The following DNAH7 variants were observed in gnomAD, a reference collection of about 807,000 sequenced individuals.
The protein encoded by DNAH7 is dynein axonemal heavy chain 7.
DNAH7 carries 397 observed loss-of-function variants against 444.6 expected under a neutral mutation model. That is an observed-to-expected ratio of 0.89 (90% CI 0.82 to 0.97). DNAH7 has a LOEUF of 0.97. Among genes scored for constraint, DNAH7 ranks in the 50% least tolerant of loss-of-function variants. The pLI, the probability that DNAH7 is intolerant of heterozygous loss-of-function variation, is 0.00. For synonymous variants in DNAH7, 1,636 were observed against 1,624.4 expected, an observed-to-expected ratio of 1.01 and a Z score of -0.17; for missense variants, 4,902 against 4,800.8, an observed-to-expected ratio of 1.02 and a Z score of -0.62.
chr2:195,739,202 A>C (rs1324891428), intron 64 of DNAH7, among the ~76,000 whole-genome samples: 1 of 152,238 alleles, frequency 6.6e-6, no homozygotes, highest in Non-Finnish European at 1.5e-5. Context: ...TCAGCTCCTG[A>C]AATTGCATTT....
Position 195,966,772 on chromosome 2 carries a change from T to C in DNAH7, c.2205+3176A>G, listed in dbSNP as rs1054740519. Among the ~76,000 whole-genome samples, 5 of 152,166 alleles carry C rather than the reference T, an allele frequency of 3.3e-5. 1 individual carries two copies. The highest frequency in any genetic ancestry group is 1.2e-4 in the African/African-American group (5 of 41,446). On this transcript the variant is annotated intron_variant, in intron 17 of 64. Transcript: ENST00000312428. ...ATACAAGCATTGTTACTCCTGGTAA[T>C]TTTTTGTTCCCATTGGCATGGAATA... is the stretch of plus-strand genomic sequence containing the variant.
chr2:195,880,330 C>CTTTTTTTT (rs1042876508), intron 36 of DNAH7, among the ~76,000 whole-genome samples: 6 of 136,682 alleles, frequency 4.4e-5, no homozygotes, highest in African/African-American at 1.1e-4. Context: ...CTTTCTTTTT[C>CTTTTTTTT]TTTTTTTTTT....
chr2:195,791,659 A>G (rs1480231519), intron 57 of DNAH7, among the ~76,000 whole-genome samples: 1 of 152,222 alleles, frequency 6.6e-6, no homozygotes, highest in African/African-American at 2.4e-5. Context: ...ACCTTAGTGT[A>G]CATCAATGAT....
At chr2:195,841,385 G>A (rs1698675429) in intron 47 of DNAH7, among the ~76,000 whole-genome samples, 1 of 151,690 alleles carries the variant, frequency 6.6e-6, no homozygotes, top group Admixed American at 6.6e-5. Flanking sequence ...CAGTCTTAAT[G>A]TAACATCTTT....
intron 31 of DNAH7, 66 bp from the exon 32 acceptor site, chr2:195,889,047 T>C (rs1701865730): frequency 2.1e-6 from 3 of 1,425,212 alleles, no homozygotes; most frequent in African/African-American, 1.5e-5. Flanking sequence ...AACAGTTCAA[T>C]AATATTATTT....
chr2:196,009,735 G>C (rs1249357432), intron 10 of DNAH7, among the ~76,000 whole-genome samples: 1 of 151,996 alleles, frequency 6.6e-6, no homozygotes, highest in Non-Finnish European at 1.5e-5. Context: ...CCTACAGAAT[G>C]GGAAAAAATG....
At chr2:195,757,079 C>T (rs1264274012) in intron 61 of DNAH7, among the ~76,000 whole-genome samples, 1 of 152,038 alleles carries the variant, frequency 6.6e-6, no homozygotes, top group Non-Finnish European at 1.5e-5. Context: ...CCTCCTGTCT[C>T]GACCTCCCGA....
chr2:195,859,592 G>T (rs1025443179), intron 42 of DNAH7, among the ~76,000 whole-genome samples: 6 of 152,062 alleles, frequency 3.9e-5, no homozygotes, highest in African/African-American at 1.4e-4. Context: ...ACAGACTGGA[G>T]TAGTAAGGAA....
chr2:195,882,993 G>C (rs1224665932), intron 35 of DNAH7, among the ~76,000 whole-genome samples: 2 of 152,176 alleles, frequency 1.3e-5, no homozygotes, highest in African/African-American at 4.8e-5. Flanking sequence ...GCGTACAGCA[G>C]AGAATTTTTT....
At chr2:195,802,798 G>A (rs556682068) in intron 54 of DNAH7, among the ~76,000 whole-genome samples, 14 of 152,044 alleles carry the variant, frequency 9.2e-5, no homozygotes, top group African/African-American at 2.4e-4. Flanking sequence ...TAGGGTATCC[G>A]TTACCCAGAT....
intron 57 of DNAH7, among the ~76,000 whole-genome samples, chr2:195,793,617 A>AT (rs1384778850): frequency 1.3e-5 from 2 of 152,074 alleles, no homozygotes; most frequent in African/African-American, 2.4e-5. Flanking sequence ...GCCCCCTTTT[A>AT]TTTTTTAGTA....
At chr2:195,988,319 T>G in intron 12 of DNAH7, 90 bp from the exon 13 acceptor site, 1 of 1,171,314 alleles carries the variant, frequency 8.5e-7, no homozygotes, top group Non-Finnish European at 1.2e-6. Flanking sequence ...TTACAATGTT[T>G]CTTGTCTTTT....
intron 24 of DNAH7, among the ~76,000 whole-genome samples, chr2:195,910,481 C>T (rs1459080897): frequency 6.6e-6 from 1 of 152,082 alleles, no homozygotes; most frequent in Non-Finnish European, 1.5e-5. Flanking sequence ...TTTGAATCCC[C>T]TAATTCGCCA....
At chr2:195,809,122 T>A (rs990601137) in intron 52 of DNAH7, among the ~76,000 whole-genome samples, 1 of 152,248 alleles carries the variant, frequency 6.6e-6, no homozygotes, top group African/African-American at 2.4e-5. Context: ...GAATTACTTG[T>A]CTAAATGTGA....
chr2:195,975,290 C>T (rs1320277736), intron 15 of DNAH7, among the ~76,000 whole-genome samples: 1 of 152,014 alleles, frequency 6.6e-6, no homozygotes, highest in Non-Finnish European at 1.5e-5. Context: ...TCTCTGTTCT[C>T]AGGGAGGGAG....
chr2:195,816,624 A>C lies in DNAH7; in HGVS notation c.9761+4T>G. On this transcript the variant is annotated splice_donor_region_variant and intron_variant, in intron 51 of 64. Transcript: ENST00000312428. ...TAATATTAACTAGTATTTCCTTTAC[A>C]TACCTTTTTGCCAAAATTTCTGATT... 3 of 1,605,908 alleles carry C rather than the reference A, an allele frequency of 1.9e-6. No individual in the cohort carries two copies. The highest frequency in any genetic ancestry group is 2.6e-6 in the Non-Finnish European group (3 of 1,174,718).
At chr2:196,059,557 C>T (rs1698021107) in intron 1 of DNAH7, among the ~76,000 whole-genome samples, 1 of 152,114 alleles carries the variant, frequency 6.6e-6, no homozygotes, top group Non-Finnish European at 1.5e-5. Flanking sequence ...TTCCTGATTC[C>T]AGTGCTTTTT....
intron 12 of DNAH7, among the ~76,000 whole-genome samples, chr2:195,993,713 A>G (rs1353395250): frequency 1.3e-5 from 2 of 152,230 alleles, no homozygotes; most frequent in Admixed American, 6.5e-5. Context: ...TTGAATTTAA[A>G]TATTTCTAAG....
Position 196,068,743 on chromosome 2 carries a change from T to G in DNAH7, c.-32A>C. ...GAGGACGCGCTGGCCTCACCGGTGC[T>G]TCTGGGTTGCTCCTGCCCGCGGAAC... On this transcript the variant is annotated 5_prime_UTR_variant, in exon 1 of 65. Coordinates refer to ENST00000312428, the MANE Select transcript of DNAH7 (RefSeq NM_018897.3). The G allele has an allele frequency of 6.5e-7, 1 of 1,550,044 alleles. No individual in the cohort carries two copies. Among genetic ancestry groups the G allele is most frequent in the Non-Finnish European group, 8.7e-7 (1 of 1,146,860 alleles).
Sources: allele counts gnomAD v4.1 joint callset (sites outside exome capture counted in the v4.1 genomes callset), GRCh38; gene constraint gnomAD v4.1.1; transcripts MANE v1.5; gene names NCBI Gene and HGNC (gene_info 2026-07-23, HGNC 2026-07-21).